The following ERLIN1 variants were observed in gnomAD, a reference collection of about 807,000 sequenced individuals.
ERLIN1 encodes the protein erlin-1.
A neutral mutation model predicts 46.9 loss-of-function variants in ERLIN1; 24 were observed. That is an observed-to-expected ratio of 0.51 (90% CI 0.37 to 0.72). The LOEUF (loss-of-function observed/expected upper bound fraction) is 0.72, where lower values mean the gene tolerates loss of function less well. Ranked by LOEUF, ERLIN1 falls within the 30% of genes least tolerant of loss-of-function variation. ERLIN1 has a pLI of 0.00. For missense variants in ERLIN1, 293 were observed against 417.9 expected (o/e 0.70, Z 2.61); for synonymous variants, 158 against 143.2 (o/e 1.10, Z -0.74).
intron 8 of ERLIN1, among the ~76,000 whole-genome samples, chr10:100,161,457 A>G (rs1754824039): frequency 6.6e-6 from 1 of 152,238 alleles, no homozygotes; most frequent in Non-Finnish European, 1.5e-5. Context: ...AAACAGATTT[A>G]TAAGACTCAA....
chr10:100,185,876 G>A lies in ERLIN1; in HGVS notation c.-250C>T, dbSNP rs1486469181. ...AGCTTCCTGAAACTCCCTCTCCCAA[G>A]GGTCGCTCCCGGGTGGAAGGCACTA... On this transcript the variant is annotated 5_prime_UTR_variant, in exon 1 of 11. Transcript: ENST00000421367. 9.3e-6 allele frequency: 5 copies of A among 539,886 alleles called. No individual in the cohort carries two copies. Among genetic ancestry groups the A allele is most frequent in the Admixed American group, 3.4e-5 (1 of 29,232 alleles). 33.4% of individuals were successfully genotyped at this position (539,886 alleles called of 1,614,324 possible). A position where few individuals can be genotyped will look rare whatever the true frequency, so the allele number is the denominator to read the frequency against.
At chr10:100,163,181 G>A (rs1414888706) in intron 8 of ERLIN1, among the ~76,000 whole-genome samples, 2 of 152,100 alleles carry the variant, frequency 1.3e-5, no homozygotes, top group Non-Finnish European at 2.9e-5. Context: ...TAAAATAAGA[G>A]TTTGGTAACA....
At chr10:100,158,072 T>C (rs565005541) in intron 8 of ERLIN1, among the ~76,000 whole-genome samples, 9 of 152,192 alleles carry the variant, frequency 5.9e-5, no homozygotes, top group Admixed American at 2.6e-4. Flanking sequence ...GGGTGGTTAT[T>C]AGACAAGAAG....
chr10:100,178,956 TAC>T (rs1347895095), intron 3 of ERLIN1, among the ~76,000 whole-genome samples: 1 of 152,240 alleles, frequency 6.6e-6, no homozygotes, highest in African/African-American at 2.4e-5. Context: ...GCAGTGCTAA[TAC>T]ACAGTTAGGT....
chr10:100,174,747 C>T (rs1844193974), intron 5 of ERLIN1, among the ~76,000 whole-genome samples: 2 of 152,108 alleles, frequency 1.3e-5, no homozygotes, highest in African/African-American at 4.8e-5. Context: ...AATAACTAAA[C>T]TTCATTTCCA....
Position 100,157,075 on chromosome 10 carries a change from T to C in ERLIN1, c.656-841A>G, listed in dbSNP as rs930638981. On this transcript the variant is annotated intron_variant, in intron 8 of 10. Coordinates refer to ENST00000421367, the MANE Select transcript of ERLIN1 (RefSeq NM_006459.4). ...GAAGGCACAAATGAACAAGTCACAA[T>C]GGAGAGGTGATATGGAACCAGCCAA... Among the ~76,000 whole-genome samples the C allele has an allele frequency of 3.9e-5, 6 of 151,922 alleles. No individual in the cohort carries two copies. In the East Asian group the frequency reaches 7.7e-4, roughly 20 times the overall value.
At chr10:100,170,254 T>A (rs939433929) in intron 6 of ERLIN1, among the ~76,000 whole-genome samples, 1 of 152,164 alleles carries the variant, frequency 6.6e-6, no homozygotes, top group Non-Finnish European at 1.5e-5. Flanking sequence ...ATTCTTAAAA[T>A]GCATTCCAAC....
At chr10:100,167,635 G>C (rs1264700262) in intron 6 of ERLIN1, among the ~76,000 whole-genome samples, 4 of 152,042 alleles carry the variant, frequency 2.6e-5, no homozygotes, top group African/African-American at 9.7e-5. Flanking sequence ...CAGATTACAG[G>C]AAAAACCATC....
At chr10:100,163,032 C>T (rs1843443268) in intron 8 of ERLIN1, among the ~76,000 whole-genome samples, 1 of 151,786 alleles carries the variant, frequency 6.6e-6, no homozygotes, top group African/African-American at 2.4e-5. Context: ...GCTCATAGAA[C>T]GAAAAATGTA....
At chr10:100,166,955 G>T (rs1843676820) in intron 7 of ERLIN1, among the ~76,000 whole-genome samples, 1 of 152,092 alleles carries the variant, frequency 6.6e-6, no homozygotes, top group Non-Finnish European at 1.5e-5. Flanking sequence ...TACCAACAAG[G>T]TATCTATTCC....
chr10:100,159,866 T>TA (rs892044011), intron 8 of ERLIN1, among the ~76,000 whole-genome samples: 78 of 105,974 alleles, frequency 7.4e-4, no homozygotes, highest in South Asian at 1.7e-3. Flanking sequence ...ACAAATGAAC[T>TA]AAAAAAAAAA....
intron 7 of ERLIN1, among the ~76,000 whole-genome samples, chr10:100,166,208 C>T (rs1258116164): frequency 6.6e-6 from 1 of 152,052 alleles, no homozygotes; most frequent in Non-Finnish European, 1.5e-5. Flanking sequence ...CTGCTTGAGC[C>T]CAGGAGTTTG....
At chr10:100,170,899 A>T (rs1843954432) in intron 6 of ERLIN1, among the ~76,000 whole-genome samples, 1 of 152,256 alleles carries the variant, frequency 6.6e-6, no homozygotes, top group African/African-American at 2.4e-5. Context: ...AGACTCTAGT[A>T]TATAATGGAA....
chr10:100,179,762 C>T (rs886911831), intron 2 of ERLIN1, among the ~76,000 whole-genome samples: 3 of 152,002 alleles, frequency 2.0e-5, no homozygotes, highest in Non-Finnish European at 2.9e-5. Flanking sequence ...TGGCCTACAG[C>T]GAATGTTTGA....
intron 6 of ERLIN1, among the ~76,000 whole-genome samples, chr10:100,172,897 C>T (rs974724782): frequency 6.6e-6 from 1 of 152,136 alleles, no homozygotes; most frequent in African/African-American, 2.4e-5. Flanking sequence ...CTGAGTAACA[C>T]CCTGGGCAGA....
chr10:100,169,463 T>C (rs1451319009), intron 6 of ERLIN1, among the ~76,000 whole-genome samples: 12 of 151,186 alleles, frequency 7.9e-5, no homozygotes, highest in African/African-American at 4.9e-5. Flanking sequence ...TTTGCCAGAG[T>C]AGTTTTTCAA....
intron 6 of ERLIN1, among the ~76,000 whole-genome samples, chr10:100,173,893 T>C (rs118128802): frequency 5.4e-4 from 83 of 152,342 alleles, no homozygotes; most frequent in South Asian, 1.4e-3. Flanking sequence ...ATAATCTTAC[T>C]GAGGGCAGGG....
rs532722664 is a variant in ERLIN1 at position 100,164,375 on chromosome 10, T to C, written c.564-280A>G. 4.6e-5 allele frequency among the ~76,000 whole-genome samples: 7 copies of C among 152,346 alleles called. No individual in the cohort carries two copies. In the East Asian group the frequency reaches 1.3e-3, roughly 29 times the overall value. On this transcript the variant is annotated intron_variant, in intron 7 of 10. Coordinates refer to ENST00000421367, the MANE Select transcript of ERLIN1 (RefSeq NM_006459.4). ...TCCTAGTTGTATTGTGTAAAGCCTG[T>C]GATTTGGAAGGGAATATATCAATAC...
At position 100,152,040 on chromosome 10, in the gene ERLIN1, T is replaced by C. The variant is rs1242506100; in HGVS notation, c.*91A>G. 1.2e-6 allele frequency: 1 copy of C among 824,124 alleles called. No homozygotes were observed. The highest frequency in any genetic ancestry group is 2.1e-6 in the Non-Finnish European group (1 of 480,586). 51.1% of individuals were successfully genotyped at this position (824,124 alleles called of 1,614,324 possible). A position where few individuals can be genotyped will look rare whatever the true frequency, so the allele number is the denominator to read the frequency against. On this transcript the variant is annotated 3_prime_UTR_variant, in exon 11 of 11. Coordinates refer to ENST00000421367, the MANE Select transcript of ERLIN1 (RefSeq NM_006459.4). ...GAGGTGGAACAGATGAAGTGTAAGT[T>C]CTCTGTAAATCTGAAGAGTCCGTAT...
Sources: gnomAD v4.1 joint callset for allele counts (sites outside exome capture counted in the v4.1 genomes callset) on GRCh38, gnomAD v4.1.1 for gene constraint, MANE v1.5 for transcripts, NCBI Gene and HGNC (gene_info 2026-07-23, HGNC 2026-07-21) for gene names.